TRIM64B: variants seen among roughly 807,000 people sequenced by gnomAD.
TRIM64B encodes tripartite motif-containing protein 64B.
For missense variants in TRIM64B, 57 were observed against 536.4 expected (o/e 0.11, Z 8.83); for synonymous variants, 17 against 190.3 (o/e 0.09, Z 7.50).
At chr11:89,875,275 C>T (rs1320596065) in intron 1 of TRIM64B, among the ~76,000 whole-genome samples, 1 of 152,246 alleles carries the variant, frequency 6.6e-6, no homozygotes, top group African/African-American at 2.4e-5. Context: ...TTTTAAGGGA[C>T]CCTTCAGATA....
At chr11:89,876,615 G>C (rs1223563887), upstream of TRIM64B, among the ~76,000 whole-genome samples, 5 of 149,508 alleles carry the variant, frequency 3.3e-5, no homozygotes, top group East Asian at 5.9e-4. Flanking sequence ...CCAGCTATTC[G>C]GGAGGCTGAG....
At position 89,875,635 on chromosome 11, in the gene TRIM64B, A is replaced by G. The variant is rs546143931; in HGVS notation, c.383T>C (p.Ile128Thr). The change falls in exon 1 of 6, where the codon ATA becomes ACA. Residue 128 changes from isoleucine to threonine, a missense_variant. Transcript: ENST00000329862. ...CCTGCATTCCTCAGCAGCCCATCCT[A>G]TTGGGCTGTGGCTGTGAGCCATGTG... 3.0e-5 allele frequency: 45 copies of G among 1,507,152 alleles called. No individual in the cohort carries two copies. The East Asian group carries it at 9.7e-4, about 32-fold the overall frequency. 93.4% of individuals were successfully genotyped at this position (1,507,152 alleles called of 1,614,324 possible).
exon 6 of TRIM64B, chr11:89,870,760 C>T: frequency 6.4e-7 from 1 of 1,551,918 alleles, no homozygotes; most frequent in Non-Finnish European, 8.7e-7. Flanking sequence ...CCCAACTCGA[C>T]CCAGAGGCCT....
At chr11:89,875,409 C>G (rs111584426) in intron 1 of TRIM64B, among the ~76,000 whole-genome samples, 3,294 of 127,896 alleles carry the variant, frequency 0.026, 1 homozygote, top group East Asian at 0.088. Flanking sequence ...AGGAGACCTC[C>G]TTTAGTGAAG....
chr11:89,872,572 C>T (rs1950122174), intron 4 of TRIM64B, among the ~76,000 whole-genome samples: 1 of 151,798 alleles, frequency 6.6e-6, no homozygotes, highest in African/African-American at 2.4e-5. Context: ...TCATTGCCTC[C>T]CTCTGCCCAT....
At chr11:89,876,527 C>T (rs1160466969), upstream of TRIM64B, among the ~76,000 whole-genome samples, 10 of 149,634 alleles carry the variant, frequency 6.7e-5, no homozygotes, top group African/African-American at 2.2e-4. Flanking sequence ...TCGAGACCAT[C>T]CTGACTAACA....
intron 4 of TRIM64B, among the ~76,000 whole-genome samples, chr11:89,872,968 G>T (rs1396617753): frequency 1.4e-5 from 2 of 143,362 alleles, no homozygotes; most frequent in African/African-American, 5.2e-5. Flanking sequence ...TAGAGTAGAA[G>T]ATGCCTCTAT....
chr11:89,870,985 A>T (rs1950101559), exon 6 of TRIM64B: 1 of 1,550,172 alleles, frequency 6.5e-7, no homozygotes, highest in South Asian at 1.2e-5. Context: ...CGCTCCCCAC[A>T]CAGCAAAGCT....
At chr11:89,872,595 G>C (rs1347473359) in intron 4 of TRIM64B, among the ~76,000 whole-genome samples, 1 of 151,822 alleles carries the variant, frequency 6.6e-6, no homozygotes, top group Admixed American at 6.5e-5. Context: ...CACCCCTTGA[G>C]GGTATGCAGA....
chr11:89,877,856 A>G (rs1289343491), upstream of TRIM64B, among the ~76,000 whole-genome samples: 23 of 149,380 alleles, frequency 1.5e-4, no homozygotes, highest in Non-Finnish European at 2.9e-4. Context: ...TCTAGACCTC[A>G]AGCGATCTGC....
exon 3 of TRIM64B, chr11:89,874,098 T>C: frequency 6.5e-7 from 1 of 1,549,392 alleles, no homozygotes; most frequent in Non-Finnish European, 8.7e-7. Context: ...CAGCTCTCTG[T>C]ACATGTCTTT....
chr11:89,876,186 T>A (rs566116216), upstream of TRIM64B, among the ~76,000 whole-genome samples: 273 of 130,682 alleles, frequency 2.1e-3, 6 homozygotes, highest in African/African-American at 7.1e-3. Context: ...AGTAAATTCA[T>A]ACATGCTGGA....
chr11:89,877,754 G>T (rs557958549), upstream of TRIM64B, among the ~76,000 whole-genome samples: 2 of 149,544 alleles, frequency 1.3e-5, no homozygotes, highest in South Asian at 4.2e-4. Flanking sequence ...TGAGTAGCTG[G>T]TATTACAGGT....
At chr11:89,876,092 G>A (rs10909601), upstream of TRIM64B, 383,074 of 1,161,774 alleles carry the variant, frequency 0.33, 40,937 homozygotes, top group African/African-American at 0.61. Context: ...GAAAAGGAAA[G>A]AAAGGCCGGT....
chr11:89,875,176 G>A lies in TRIM64B; in HGVS notation c.409-103C>T, dbSNP rs1177425213. 7 of 1,418,950 alleles carry A rather than the reference G, an allele frequency of 4.9e-6. No individual in the cohort carries two copies. In the African/African-American group the frequency reaches 7.2e-5, roughly 15 times the overall value. The allele number at this position is 1,418,950 out of a possible 1,614,324, so 87.9% of individuals were successfully genotyped here. On this transcript the variant is annotated intron_variant, in intron 1 of 5. Coordinates refer to ENST00000329862, the Ensembl canonical transcript of TRIM64B. ...TGTAATTGAAAGAAACATAAATTAA[G>A]TTGGAGTGAAGTGGTCAGATTTTTC...
chr11:89,872,584 A>C (rs1331351436), intron 4 of TRIM64B, among the ~76,000 whole-genome samples: 4 of 151,810 alleles, frequency 2.6e-5, no homozygotes, highest in Non-Finnish European at 4.4e-5. Context: ...TCTGCCCATC[A>C]CACCCCTTGA....
chr11:89,877,105 A>G (rs1206870039), upstream of TRIM64B, among the ~76,000 whole-genome samples: 4 of 130,962 alleles, frequency 3.1e-5, no homozygotes, highest in Non-Finnish European at 5.0e-5. Context: ...GTATTATTCT[A>G]TACTCCCTGC....
chr11:89,876,959 A>T (rs1378507979), upstream of TRIM64B, among the ~76,000 whole-genome samples: 1 of 147,910 alleles, frequency 6.8e-6, no homozygotes, highest in Non-Finnish European at 1.5e-5. Flanking sequence ...GGAGGGTAAA[A>T]GCTGGGATGA....
intron 4 of TRIM64B, 111 bp from the exon 6 acceptor site, chr11:89,872,423 G>A: frequency 6.6e-7 from 1 of 1,516,292 alleles, no homozygotes; most frequent in Non-Finnish European, 8.9e-7. Flanking sequence ...TGCCAGTTTT[G>A]GTTAACTGGG....
Sources: allele counts gnomAD v4.1 joint callset (sites outside exome capture counted in the v4.1 genomes callset), GRCh38; gene constraint gnomAD v4.1.1; transcripts MANE v1.5; gene names NCBI Gene and HGNC (gene_info 2026-07-23, HGNC 2026-07-21).